INAVA: variants seen among roughly 807,000 people sequenced by gnomAD.
INAVA encodes the protein innate immunity activator.
INAVA carries 32 observed loss-of-function variants against 55.3 expected under a neutral mutation model. The ratio of observed to expected loss-of-function variants is 0.58; its 90% CI spans 0.44 to 0.78. The LOEUF (loss-of-function observed/expected upper bound fraction) is 0.78. Among genes scored for constraint, INAVA ranks in the 30% least tolerant of loss-of-function variants. The pLI is 0.00. For missense variants in INAVA, 756 were observed against 786.4 expected (o/e 0.96, Z 0.46); for synonymous variants, 294 against 329.4 (o/e 0.89, Z 1.16).
Position 200,900,213 on chromosome 1 carries a change from A to G in INAVA, c.290A>G (p.His97Arg). The change falls in exon 4 of 10, where the codon CAC (histidine) becomes CGC (arginine). Residue 97 changes from histidine (H) to arginine (R), a missense_variant. Transcript: ENST00000413687. Reference sequence around the variant, plus strand: ...TACAAACTGGATGACTGGGCCTTGCACAGAGAGGTGAGGAACCTCAGGAAG... The same window carrying G: ...TACAAACTGGATGACTGGGCCTTGCGCAGAGAGGTGAGGAACCTCAGGAAG... ...AAYKLDDWAL[H>R]REDPLSSLER... 2 of 1,613,878 alleles carry G rather than the reference A, an allele frequency of 1.2e-6. No homozygotes were observed. Among genetic ancestry groups the G allele is most frequent in the Non-Finnish European group, 1.7e-6 (2 of 1,179,778 alleles).
In INAVA at chr1:200,911,565, C is replaced by T. The variant is rs921816629; in HGVS notation, c.1072C>T (p.Pro358Ser). 2.5e-6 allele frequency: 4 copies of T among 1,613,692 alleles called. No individual in the cohort carries two copies. The highest frequency in any genetic ancestry group is 2.5e-6 in the Non-Finnish European group (3 of 1,179,878). Residue 358 changes from proline to serine, a missense_variant, in exon 9 of 10, where the codon CCC (proline) becomes TCC (serine). Physicochemically the swap from Pro to Ser is moderately conservative, Grantham distance 74. Around this residue, in one of 2 missense-constraint regions of INAVA, gnomAD observed 639 missense variants for 624.3 expected, o/e 1.02. Coordinates refer to ENST00000413687, the MANE Select transcript of INAVA (RefSeq NM_001142569.3). ...VPDSCFPATKPPLPHAACHSC... is the reference protein window; with the variant it reads ...VPDSCFPATKSPLPHAACHSC... ...AGATTCCTGCTTTCCCGCGACCAAGCCCCCGCTGCCCCACGCCGCCTGCCA... is the reference window on the plus strand; with the variant it reads ...AGATTCCTGCTTTCCCGCGACCAAGTCCCCGCTGCCCCACGCCGCCTGCCA...
intron 9 of INAVA, among the ~76,000 whole-genome samples, chr1:200,913,251 G>T (rs1011877649): frequency 6.6e-6 from 1 of 152,202 alleles, no homozygotes. Context: ...CCATCCCAAC[G>T]TGCCAGACAG....
chr1:200,911,396 A>C, intron 8 of INAVA, 57 bp from the exon 9 acceptor site: 1 of 1,505,948 alleles, frequency 6.6e-7, no homozygotes, highest in Non-Finnish European at 9.1e-7. Context: ...TCCCGCCCCA[A>C]CCCCAGTGTG....
chr1:200,904,114 A>C (rs1571866311), intron 5 of INAVA, among the ~76,000 whole-genome samples: 1 of 147,298 alleles, frequency 6.8e-6, no homozygotes, highest in South Asian at 2.2e-4. Context: ...TTTGAGACGG[A>C]GTCTTGCTCT....
chr1:200,914,493 C>A lies in INAVA; in HGVS notation c.*864C>A, dbSNP rs1292507299. 1 of 152,408 alleles carries A rather than the reference C, an allele frequency of 6.6e-6. No homozygotes were observed. Among genetic ancestry groups the A allele is most frequent in the African/African-American group, 2.4e-5 (1 of 41,470 alleles). The allele number at this position is 152,408 out of a possible 1,614,324, so 9.4% of individuals were successfully genotyped here. A position where few individuals can be genotyped will look rare whatever the true frequency, so the allele number is the denominator to read the frequency against. ...TTTGAGATGGAGTCTCGCTCTGTCG[C>A]CCAGGCTGGAATGCTGTAGCAAGAT... On this transcript the variant is annotated 3_prime_UTR_variant, in exon 10 of 10. Coordinates refer to ENST00000413687, the MANE Select transcript of INAVA (RefSeq NM_001142569.3).
rs1160726232 is a variant in INAVA at position 200,911,735 on chromosome 1, C to T, written c.1242C>T (p.Gly414=). 5 of 1,612,270 alleles carry T rather than the reference C, an allele frequency of 3.1e-6. No homozygotes were observed. In the East Asian group the frequency reaches 8.9e-5, roughly 29 times the overall value. The part of the protein sequence containing the change: ...HRHRGAWVPA[G]SRELVAHHPK... ...ACCGCGGGGCCTGGGTCCCAGCCGG[C>T]AGCAGAGAGCTGGTCGCCCACCACC... The change falls in exon 9 of 10, where the codon GGC becomes GGT. Residue 414 remains glycine (G), a synonymous_variant. Transcript: ENST00000413687.
At chr1:200,907,392 A>C (rs1166918740) in intron 5 of INAVA, among the ~76,000 whole-genome samples, 1 of 152,132 alleles carries the variant, frequency 6.6e-6, no homozygotes, top group Non-Finnish European at 1.5e-5. Flanking sequence ...ACAGTGGCTC[A>C]TGCCTATAAT....
intron 5 of INAVA, among the ~76,000 whole-genome samples, chr1:200,901,861 G>C (rs1359068230): frequency 3.9e-5 from 6 of 152,194 alleles, no homozygotes; most frequent in Admixed American, 3.9e-4. Flanking sequence ...GTGAGTTGTT[G>C]ATGCCCAGGT....
intron 5 of INAVA, 86 bp from the exon 6 acceptor site, chr1:200,907,748 C>T: frequency 1.9e-6 from 2 of 1,075,884 alleles, no homozygotes; most frequent in Non-Finnish European, 1.4e-6. Flanking sequence ...AGTGATCAGG[C>T]CTGAGCTGCT....
upstream of INAVA, among the ~76,000 whole-genome samples, chr1:200,892,876 G>A (rs1668263988): frequency 6.6e-6 from 1 of 152,214 alleles, no homozygotes; most frequent in African/African-American, 2.4e-5. Flanking sequence ...GGAGCAAGGT[G>A]TTTTTGAGAA....
Position 200,908,831 on chromosome 1 carries a change from G to A in INAVA, c.676G>A (p.Ala226Thr), listed in dbSNP as rs771500480. 10 of 1,613,896 alleles carry A rather than the reference G, an allele frequency of 6.2e-6. No homozygotes were observed. In the African/African-American group the frequency reaches 1.3e-4, roughly 22 times the overall value. ...GGGTCTGCAGCCAACAGGACCTGAGGCTGGGAGCCCAGAACGGGCTCCAGT... is the reference window on the plus strand; with the variant it reads ...GGGTCTGCAGCCAACAGGACCTGAGACTGGGAGCCCAGAACGGGCTCCAGT... ...LEGLQPTGPE[A>T]GSPERAPVQN... Residue 226 changes from alanine (A) to threonine (T), a missense_variant, in exon 7 of 10, where the codon GCT (alanine) becomes ACT (threonine). Around this residue, in one of 2 missense-constraint regions of INAVA, gnomAD observed 639 missense variants for 624.3 expected, o/e 1.02. Coordinates refer to ENST00000413687, the MANE Select transcript of INAVA (RefSeq NM_001142569.3).
At chr1:200,900,857 C>T in intron 4 of INAVA, 80 bp from the exon 5 acceptor site, 1 of 1,103,406 alleles carries the variant, frequency 9.1e-7, no homozygotes, top group Non-Finnish European at 1.3e-6. Context: ...ACCTAGAGCA[C>T]TGTGTCAGGG....
chr1:200,912,070 C>T lies in INAVA; in HGVS notation c.1577C>T (p.Ala526Val). The T allele has an allele frequency of 6.5e-7, 1 of 1,548,432 alleles. No individual in the cohort carries two copies. The highest frequency in any genetic ancestry group is 1.4e-5 in the African/African-American group (1 of 73,170). ...CCCCACTCACTGGACCGCCAAGGAGCTTTCCGGGTCAGGAGCCTGCCCCTT... is the reference window on the plus strand; with the variant it reads ...CCCCACTCACTGGACCGCCAAGGAGTTTTCCGGGTCAGGAGCCTGCCCCTT... ...TRPHSLDRQG[A>V]FRVRSLPLGR... Residue 526 changes from alanine to valine, a missense_variant, in exon 9 of 10, where the codon GCT becomes GTT. Transcript: ENST00000413687.
At chr1:200,900,069 G>T in intron 3 of INAVA, 35 bp from the exon 4 acceptor site, 1 of 1,561,922 alleles carries the variant, frequency 6.4e-7, no homozygotes, top group Non-Finnish European at 8.7e-7. Context: ...CTGGGCAGGT[G>T]GAGAGGACCT....
At chr1:200,904,343 C>T (rs1183450083) in intron 5 of INAVA, among the ~76,000 whole-genome samples, 1 of 152,232 alleles carries the variant, frequency 6.6e-6, no homozygotes, top group African/African-American at 2.4e-5. Flanking sequence ...CCCGCCTTGG[C>T]CTCCCAAGTG....
upstream of INAVA, among the ~76,000 whole-genome samples, chr1:200,894,178 G>C (rs978025443): frequency 2.6e-5 from 4 of 152,124 alleles, no homozygotes; most frequent in Admixed American, 6.5e-5. Context: ...GTGGACTTAG[G>C]GTCTGGGGTC....
At chr1:200,893,791 T>C (rs1396513244), upstream of INAVA, among the ~76,000 whole-genome samples, 1 of 151,952 alleles carries the variant, frequency 6.6e-6, no homozygotes, top group East Asian at 1.9e-4. Context: ...TGAGTTCCGC[T>C]CCACAGGAGA....
chr1:200,891,572 C>T, upstream of INAVA: 1 of 1,598,346 alleles, frequency 6.3e-7, no homozygotes, highest in Non-Finnish European at 8.5e-7. Context: ...AATGAAATAC[C>T]TCCGGGGAGG....
At chr1:200,891,755 G>C (rs1475481595), upstream of INAVA, 1 of 1,323,582 alleles carries the variant, frequency 7.6e-7, no homozygotes, top group Non-Finnish European at 1.0e-6. Context: ...GCGGGGGATC[G>C]GGCCCCTGAA....
Sources: gnomAD v4.1 joint callset for allele counts (sites outside exome capture counted in the v4.1 genomes callset) on GRCh38, gnomAD v4.1.1 for gene constraint, gnomAD v4.1.1 regional missense constraint, MANE v1.5 for transcripts, NCBI Gene and HGNC (gene_info 2026-07-23, HGNC 2026-07-21) for gene names.